GREB1: variants seen among roughly 807,000 people sequenced by gnomAD.
The protein encoded by GREB1 is protein GREB1.
GREB1 carries 106 observed loss-of-function variants against 200.7 expected under a neutral mutation model. The observed-to-expected ratio is 0.53, with a 90% CI of 0.45 to 0.62. GREB1 has a LOEUF of 0.62. Among genes scored for constraint, GREB1 ranks in the 20% least tolerant of loss-of-function variants. The pLI is 0.00. For synonymous variants in GREB1, 1,132 were observed against 1,092.4 expected (o/e 1.04, Z -0.72); for missense variants, 2,243 against 2,556.8 (o/e 0.88, Z 2.65).
chr2:11,501,917 T>TTTTTTTGATGGGG (rs1673055876), intron 1 of GREB1, among the ~76,000 whole-genome samples: 1 of 113,634 alleles, frequency 8.8e-6, no homozygotes. Context: ...TTTTTTTTTT[T>TTTTTTTGATGGGG]TTTTTTTTTT....
At position 11,566,481 on chromosome 2, in the gene GREB1, G is replaced by A. The variant is rs1174851752; in HGVS notation, c.279G>A (p.Gly93=). ...GTGAACCCTGTCCACCCCTCCTAGGGTTTTGCCAGGCCGGGAAGGACCTGC... is the reference window on the plus strand; with the variant it reads ...GTGAACCCTGTCCACCCCTCCTAGGATTTTGCCAGGCCGGGAAGGACCTGC... ...PLPEGCCTTD[G]FCQAGKDLRL... Residue 93 remains glycine, a splice_region_variant and synonymous_variant, in exon 4 of 33, where the codon GGG becomes GGA. Transcript: ENST00000381486. 6.2e-7 allele frequency: 1 copy of A among 1,606,358 alleles called. No individual in the cohort carries two copies. Among genetic ancestry groups the A allele is most frequent in the African/African-American group, 1.3e-5 (1 of 74,780 alleles).
chr2:11,641,494 T>TTTTGTTTTGTTTTGTTTTGTTTTG lies in GREB1; in HGVS notation c.*1048_*1049insGTTTTGTTTTGTTTTGTTTGTTTT, dbSNP rs1404786478. 2 of 152,568 alleles carry TTTTGTTTTGTTTTGTTTTGTTTTG rather than the reference T, an allele frequency of 1.3e-5. No individual in the cohort carries two copies. Among genetic ancestry groups the TTTTGTTTTGTTTTGTTTTGTTTTG allele is most frequent in the East Asian group, 3.9e-4 (2 of 5,176 alleles). 9.5% of individuals were successfully genotyped at this position (152,568 alleles called of 1,614,324 possible). A position where few individuals can be genotyped will look rare whatever the true frequency, so the allele number is the denominator to read the frequency against. On this transcript the variant is annotated 3_prime_UTR_variant, in exon 33 of 33. Transcript: ENST00000381486. ...TTTTGTTTTGTTTTGTTTTGTTTTG[T>TTTTGTTTTGTTTTGTTTTGTTTTG]TTTGTTTTTGAGATGGACTCTAGCT...
intron 7 of GREB1, among the ~76,000 whole-genome samples, chr2:11,583,544 C>G (rs116622584): frequency 2.0e-3 from 298 of 152,160 alleles, no homozygotes; most frequent in African/African-American, 7.0e-3. Context: ...AGCAATGATT[C>G]TCACCCTGCA....
At chr2:11,505,733 A>G in intron 1 of GREB1, among the ~76,000 whole-genome samples, 1 of 152,060 alleles carries the variant, frequency 6.6e-6, no homozygotes, top group East Asian at 1.9e-4. Context: ...TGTAGTACCA[A>G]CTACTGGGGA....
chr2:11,638,824 C>G lies in GREB1; in HGVS notation c.5686+15C>G. Reference sequence around the variant, plus strand: ...TTTTCTGAAAGGTAACTTTTGTACTCTTAACTCTGCACCTTGTCTTCAATG... The same window carrying G: ...TTTTCTGAAAGGTAACTTTTGTACTGTTAACTCTGCACCTTGTCTTCAATG... On this transcript the variant is annotated intron_variant, in intron 32 of 32. Transcript: ENST00000381486. 1.2e-6 allele frequency: 2 copies of G among 1,613,258 alleles called. No individual in the cohort carries two copies. Among genetic ancestry groups the G allele is most frequent in the Non-Finnish European group, 1.7e-6 (2 of 1,179,592 alleles).
At chr2:11,569,225 G>A (rs1207961357) in intron 4 of GREB1, among the ~76,000 whole-genome samples, 3 of 152,154 alleles carry the variant, frequency 2.0e-5, no homozygotes, top group Admixed American at 6.5e-5. Context: ...TCTTAGATGG[G>A]AGTAAACAAA....
chr2:11,514,343 GT>G (rs1201010233), intron 1 of GREB1, among the ~76,000 whole-genome samples: 1 of 151,156 alleles, frequency 6.6e-6, no homozygotes, highest in Non-Finnish European at 1.5e-5. Context: ...TATGTTCCAA[GT>G]TTGCTATTGC....
At chr2:11,530,516 G>A (rs747712625), upstream of GREB1, among the ~76,000 whole-genome samples, 7 of 145,986 alleles carry the variant, frequency 4.8e-5, no homozygotes, top group Non-Finnish European at 7.4e-5. Flanking sequence ...GCAGTGAGCT[G>A]AGATTGCACC....
At chr2:11,591,026 T>A (rs1680675851) in intron 10 of GREB1, among the ~76,000 whole-genome samples, 1 of 151,518 alleles carries the variant, frequency 6.6e-6, no homozygotes, top group African/African-American at 2.4e-5. Flanking sequence ...CATATTGGAG[T>A]GGGTTAGAGA....
intron 1 of GREB1, among the ~76,000 whole-genome samples, chr2:11,549,094 G>A (rs1265080498): frequency 2.6e-5 from 4 of 152,008 alleles, no homozygotes; most frequent in Admixed American, 1.3e-4. Context: ...CATTTGTTGT[G>A]CTGGGCTCTT....
chr2:11,587,621 T>C, intron 9 of GREB1: 1 of 1,446,222 alleles, frequency 6.9e-7, no homozygotes, highest in Non-Finnish European at 9.1e-7. Context: ...CAGCAGGACA[T>C]CTGCATATAA....
At chr2:11,513,261 C>T (rs1459296924) in intron 1 of GREB1, among the ~76,000 whole-genome samples, 1 of 152,148 alleles carries the variant, frequency 6.6e-6, no homozygotes, top group Admixed American at 6.5e-5. Context: ...CAGCTCATAT[C>T]CCTGACAGAG....
chr2:11,588,711 A>G (rs966439075), intron 9 of GREB1, 35 bp from the exon 10 acceptor site: 6 of 1,599,680 alleles, frequency 3.8e-6, no homozygotes, highest in Non-Finnish European at 5.1e-6. Flanking sequence ...GCTGTGCACA[A>G]GACTGGGTGC....
At chr2:11,523,242 G>A (rs901324286) in intron 1 of GREB1, among the ~76,000 whole-genome samples, 3 of 152,116 alleles carry the variant, frequency 2.0e-5, no homozygotes, top group Admixed American at 2.0e-4. Context: ...ATGGAGAGTG[G>A]GAGGAGGGGG....
intron 24 of GREB1, among the ~76,000 whole-genome samples, chr2:11,625,820 A>G (rs1286032789): frequency 1.3e-5 from 2 of 152,186 alleles, no homozygotes; most frequent in Non-Finnish European, 2.9e-5. Context: ...CGCTGCTGAT[A>G]AAGACATACC....
intron 1 of GREB1, among the ~76,000 whole-genome samples, chr2:11,520,982 G>A (rs1003578966): frequency 9.9e-5 from 15 of 152,262 alleles, no homozygotes; most frequent in East Asian, 7.7e-4. Flanking sequence ...ATCCCACTGC[G>A]GGCAGTGCTA....
Position 11,562,470 on chromosome 2 carries a change from C to T in GREB1, c.165C>T (p.Ser55=), listed in dbSNP as rs757491259. 6.2e-7 allele frequency: 1 copy of T among 1,611,836 alleles called. No homozygotes were observed. Among genetic ancestry groups the T allele is most frequent in the South Asian group, 1.1e-5 (1 of 90,972 alleles). ...EQQLAALEGG[S]RVDNEEEEEE... Reference sequence around the variant, plus strand: ...TCTTCTTCCCGCATCTAGGTGGTAGCCGAGTGGACAATGAGGAAGAGGAAG... The same window carrying T: ...TCTTCTTCCCGCATCTAGGTGGTAGTCGAGTGGACAATGAGGAAGAGGAAG... The change falls in exon 3 of 33, where the codon AGC becomes AGT. Residue 55 remains serine (S), a synonymous_variant. Coordinates refer to ENST00000381486, the MANE Select transcript of GREB1 (RefSeq NM_014668.4).
intron 1 of GREB1, among the ~76,000 whole-genome samples, chr2:11,489,243 GCAGACCAGC>G (rs1245449499): frequency 6.6e-6 from 1 of 152,132 alleles, no homozygotes; most frequent in Non-Finnish European, 1.5e-5. Flanking sequence ...TCAGGGGTTC[GCAGACCAGC>G]CTGGCCAACC....
intron 1 of GREB1, among the ~76,000 whole-genome samples, chr2:11,521,718 G>A (rs577414845): frequency 2.6e-5 from 4 of 152,268 alleles, no homozygotes; most frequent in East Asian, 1.9e-4. Context: ...AAATTTTAAC[G>A]TGTAAATAAA....
Sources: gnomAD v4.1 joint callset for allele counts (sites outside exome capture counted in the v4.1 genomes callset) on GRCh38, gnomAD v4.1.1 for gene constraint, MANE v1.5 for transcripts, NCBI Gene and HGNC (gene_info 2026-07-23, HGNC 2026-07-21) for gene names.